Variants in BTG4 observed in about 807,000 individuals in gnomAD.
BTG4 encodes the protein BTG anti-proliferation factor 4, also known as protein BTG4.
A neutral mutation model predicts 19.3 loss-of-function variants in BTG4; 10 were observed. The observed-to-expected ratio is 0.52, with a 90% CI of 0.32 to 0.88. The LOEUF (loss-of-function observed/expected upper bound fraction) is 0.88. Among genes scored for constraint, BTG4 ranks in the 40% least tolerant of loss-of-function variants. BTG4 has a pLI of 0.04. For missense variants in BTG4, 238 were observed against 281.9 expected, an observed-to-expected ratio of 0.84 and a Z score of 1.11; for synonymous variants, 91 against 95.7, an observed-to-expected ratio of 0.95 and a Z score of 0.29.
chr11:111,396,188 G>A, the BTG4 span, among the ~76,000 whole-genome samples: 1 of 152,216 alleles, frequency 6.6e-6, no homozygotes, highest in Admixed American at 6.5e-5. Flanking sequence ...TCCATGCTAA[G>A]GGGCAAATAG....
chr11:111,426,267 A>G, the BTG4 span, among the ~76,000 whole-genome samples: 1 of 151,808 alleles, frequency 6.6e-6, no homozygotes, highest in South Asian at 2.1e-4. Context: ...GAGGAAGGGA[A>G]GGGAAATGAA....
chr11:111,514,141 C>T (rs540032016), upstream of BTG4: 3 of 153,948 alleles, frequency 1.9e-5, no homozygotes, highest in African/African-American at 4.8e-5. Flanking sequence ...TAAGATGTAT[C>T]CCTTCTTTTA....
intron 5 of BTG4, among the ~76,000 whole-genome samples, chr11:111,473,969 C>T (rs1024613663): frequency 5.3e-5 from 8 of 152,084 alleles, no homozygotes; most frequent in South Asian, 2.1e-4. Flanking sequence ...AAAAATCACA[C>T]GTTTTGGTTC....
intron 1 of BTG4, among the ~76,000 whole-genome samples, chr11:111,511,914 A>C (rs142415857): frequency 6.6e-6 from 1 of 152,262 alleles, no homozygotes; most frequent in East Asian, 1.9e-4. Context: ...TCCCTAGTTT[A>C]GTAATTTATT....
chr11:111,468,151 T>G (rs1863829305), intron 5 of BTG4, among the ~76,000 whole-genome samples: 1 of 152,250 alleles, frequency 6.6e-6, no homozygotes, highest in Non-Finnish European at 1.5e-5. Context: ...AGGTTTATAC[T>G]TGACTAGTAG....
the BTG4 span, among the ~76,000 whole-genome samples, chr11:111,439,037 GC>G: frequency 6.6e-6 from 1 of 152,160 alleles, no homozygotes; most frequent in African/African-American, 2.4e-5. Context: ...CACGTGGGCT[GC>G]CCCCTGTCCC....
At chr11:111,483,508 C>A (rs1186456670) in intron 5 of BTG4, among the ~76,000 whole-genome samples, 1 of 152,104 alleles carries the variant, frequency 6.6e-6, no homozygotes, top group African/African-American at 2.4e-5. Context: ...ATTGAGAATT[C>A]TTTCAGAAAA....
chr11:111,453,037 C>T, the BTG4 span, among the ~76,000 whole-genome samples: 12,983 of 152,162 alleles, frequency 0.085, 764 homozygotes, highest in Middle Eastern at 0.14. Flanking sequence ...GGTGACCAAA[C>T]GGGGTTTCCC....
the BTG4 span, among the ~76,000 whole-genome samples, chr11:111,402,425 T>C: frequency 1.2e-4 from 19 of 152,342 alleles, no homozygotes; most frequent in South Asian, 3.7e-3. Flanking sequence ...CTAAGATACA[T>C]CTACATAATG....
chr11:111,420,689 T>C, the BTG4 span, among the ~76,000 whole-genome samples: 1 of 152,192 alleles, frequency 6.6e-6, no homozygotes, highest in South Asian at 2.1e-4. Context: ...GCCAGAGGGA[T>C]TGCAGTAGCA....
chr11:111,491,992 T>C (rs1435620397), downstream of BTG4, among the ~76,000 whole-genome samples: 1 of 152,166 alleles, frequency 6.6e-6, no homozygotes, highest in Non-Finnish European at 1.5e-5. Flanking sequence ...TCTAAAGGAT[T>C]ACACAGGGAT....
intron 5 of BTG4, among the ~76,000 whole-genome samples, chr11:111,477,788 G>A (rs984173673): frequency 2.0e-5 from 3 of 152,048 alleles, no homozygotes; most frequent in Admixed American, 1.3e-4. Context: ...TTAGCGAAAG[G>A]ACCAGGAAAG....
chr11:111,396,154 A>G, the BTG4 span, among the ~76,000 whole-genome samples: 3 of 152,156 alleles, frequency 2.0e-5, no homozygotes, highest in Admixed American at 1.3e-4. Context: ...GAGCAGTTGA[A>G]CTCCTACATA....
At chr11:111,385,673 A>G in the BTG4 span, 1 of 152,286 alleles carries the variant, frequency 6.6e-6, no homozygotes, top group East Asian at 1.9e-4. Context: ...GATAAACTTT[A>G]GGAGAAAAAT....
the BTG4 span, among the ~76,000 whole-genome samples, chr11:111,441,538 C>A: frequency 6.6e-6 from 1 of 152,192 alleles, no homozygotes; most frequent in Admixed American, 6.5e-5. Context: ...CTTAGAGATG[C>A]CTTACGGATT....
chr11:111,487,928 C>T (rs1865164181), intron 5 of BTG4, among the ~76,000 whole-genome samples: 1 of 151,988 alleles, frequency 6.6e-6, no homozygotes, highest in Middle Eastern at 3.2e-3. Flanking sequence ...ACAATGAAAA[C>T]TATAAAATAT....
the BTG4 span, among the ~76,000 whole-genome samples, chr11:111,452,875 CAGG>C: frequency 6.6e-6 from 1 of 152,072 alleles, no homozygotes; most frequent in Non-Finnish European, 1.5e-5. Flanking sequence ...AGGTTTGAAA[CAGG>C]AGAATTATTA....
At chr11:111,402,826 A>G in the BTG4 span, among the ~76,000 whole-genome samples, 1 of 152,064 alleles carries the variant, frequency 6.6e-6, no homozygotes, top group Admixed American at 6.6e-5. Context: ...ATTCTGCACA[A>G]AGGTCTAACT....
the BTG4 span, among the ~76,000 whole-genome samples, chr11:111,398,448 CA>C: frequency 5.3e-5 from 8 of 152,008 alleles, no homozygotes; most frequent in Non-Finnish European, 1.0e-4. Flanking sequence ...TGAAAATTTG[CA>C]TTTCTTTTTT....
Sources: allele counts gnomAD v4.1 joint callset (sites outside exome capture counted in the v4.1 genomes callset), GRCh38; gene constraint gnomAD v4.1.1; transcripts MANE v1.5; gene names NCBI Gene and HGNC (gene_info 2026-07-23, HGNC 2026-07-21).